HHAT: variants seen among roughly 807,000 people sequenced by gnomAD.
HHAT encodes the protein hedgehog acyltransferase, also known as protein-cysteine N-palmitoyltransferase HHAT.
A neutral mutation model predicts 70.8 loss-of-function variants in HHAT; 47 were observed. The ratio of observed to expected loss-of-function variants is 0.66; its 90% CI spans 0.53 to 0.85. The LOEUF is 0.85. Ranked by LOEUF, HHAT falls within the 40% of genes least tolerant of loss-of-function variation. The probability of loss-of-function intolerance (pLI) is 0.00; values close to 1 mark genes in which losing one functional copy is unlikely to be tolerated. For synonymous variants in HHAT, 228 were observed against 247.6 expected (o/e 0.92, Z 0.74); for missense variants, 609 against 604.8 (o/e 1.01, Z -0.07).
At chr1:210,423,676 T>C (rs2092971668) in intron 7 of HHAT, among the ~76,000 whole-genome samples, 1 of 152,204 alleles carries the variant, frequency 6.6e-6, no homozygotes, top group Non-Finnish European at 1.5e-5. Flanking sequence ...TCTAGTATTT[T>C]TATTGCTTCA....
chr1:210,614,814 T>A (rs1456722563), intron 10 of HHAT, among the ~76,000 whole-genome samples: 3 of 152,254 alleles, frequency 2.0e-5, no homozygotes, highest in African/African-American at 4.8e-5. Context: ...CCTATCATTG[T>A]TGGACATTTG....
chr1:210,632,062 C>T (rs1287187626), intron 11 of HHAT, among the ~76,000 whole-genome samples: 3 of 152,164 alleles, frequency 2.0e-5, no homozygotes, highest in African/African-American at 7.2e-5. Flanking sequence ...ACCTAACTCT[C>T]CCAGCTGCCG....
At chr1:210,467,916 A>G (rs2094136643) in intron 8 of HHAT, among the ~76,000 whole-genome samples, 1 of 152,206 alleles carries the variant, frequency 6.6e-6, no homozygotes, top group African/African-American at 2.4e-5. Flanking sequence ...TATGAGCTCT[A>G]CAGAGAACAG....
At chr1:210,566,389 C>T (rs575910059) in intron 9 of HHAT, among the ~76,000 whole-genome samples, 1 of 152,220 alleles carries the variant, frequency 6.6e-6, no homozygotes, top group East Asian at 1.9e-4. Flanking sequence ...GGTGGTTCCC[C>T]AGCAAAGGCC....
In HHAT at chr1:210,505,283, A is replaced by G. The variant is rs141560448; in HGVS notation, c.1008-7870A>G. On this transcript the variant is annotated intron_variant, in intron 8 of 11. Coordinates refer to ENST00000261458, the MANE Select transcript of HHAT (RefSeq NM_018194.6). ...ATGGTATGATATGGTGCCAGTTACTATGTGATGTCATCAGGAAGCCTATTC... is the reference window on the plus strand; with the variant it reads ...ATGGTATGATATGGTGCCAGTTACTGTGTGATGTCATCAGGAAGCCTATTC... 3.4e-3 allele frequency among the ~76,000 whole-genome samples: 518 copies of G among 152,222 alleles called. 5 individuals are homozygous for G. Among genetic ancestry groups the G allele is most frequent in the South Asian group, 4.8e-3 (23 of 4,812 alleles).
At chr1:210,395,720 C>T (rs1351147871) in intron 4 of HHAT, among the ~76,000 whole-genome samples, 1 of 152,170 alleles carries the variant, frequency 6.6e-6, no homozygotes, top group African/African-American at 2.4e-5. Context: ...CAAGTAGAGA[C>T]TTTGGAAGAC....
At chr1:210,396,984 A>G (rs192186766) in intron 4 of HHAT, among the ~76,000 whole-genome samples, 178 of 152,336 alleles carry the variant, frequency 1.2e-3, no homozygotes, top group African/African-American at 4.2e-3. Flanking sequence ...TAGATACCAA[A>G]CCTATACATG....
At chr1:210,560,186 T>C (rs2095608665) in intron 9 of HHAT, among the ~76,000 whole-genome samples, 1 of 152,228 alleles carries the variant, frequency 6.6e-6, no homozygotes, top group Non-Finnish European at 1.5e-5. Flanking sequence ...GCCTGACCTT[T>C]GAATTGGTAT....
At chr1:210,599,792 T>A (rs1345669600) in intron 10 of HHAT, among the ~76,000 whole-genome samples, 1 of 152,212 alleles carries the variant, frequency 6.6e-6, no homozygotes, top group East Asian at 1.9e-4. Context: ...CCTAACCATG[T>A]TGCTGTCTTT....
chr1:210,654,367 G>A (rs1222702605), intron 11 of HHAT, among the ~76,000 whole-genome samples: 1 of 152,136 alleles, frequency 6.6e-6, no homozygotes, highest in Admixed American at 6.5e-5. Flanking sequence ...CACCATGAAT[G>A]CCTGGGTCCC....
intron 8 of HHAT, among the ~76,000 whole-genome samples, chr1:210,468,300 A>C (rs2094142262): frequency 6.6e-6 from 1 of 152,138 alleles, no homozygotes; most frequent in South Asian, 2.1e-4. Flanking sequence ...CAAATTAGAG[A>C]CCTGATCCTA....
intron 11 of HHAT, among the ~76,000 whole-genome samples, chr1:210,663,895 C>T (rs1393107481): frequency 6.6e-6 from 1 of 152,234 alleles, no homozygotes; most frequent in Non-Finnish European, 1.5e-5. Context: ...AGATGACAAC[C>T]ATCTAGTCCT....
chr1:210,537,995 T>G (rs904242758), intron 9 of HHAT, among the ~76,000 whole-genome samples: 1 of 152,174 alleles, frequency 6.6e-6, no homozygotes, highest in African/African-American at 2.4e-5. Flanking sequence ...TTTGTCTTCT[T>G]GCTAATTAGA....
At chr1:210,656,719 A>G (rs1364251122) in intron 11 of HHAT, among the ~76,000 whole-genome samples, 1 of 152,114 alleles carries the variant, frequency 6.6e-6, no homozygotes. Context: ...CTGAACAGTG[A>G]TATAAGAGCC....
chr1:210,344,159 T>G (rs2147951413), intron 1 of HHAT, among the ~76,000 whole-genome samples: 1 of 152,274 alleles, frequency 6.6e-6, no homozygotes, highest in Middle Eastern at 3.4e-3. Flanking sequence ...TCCTAAATTT[T>G]GGGGGTGAGG....
At chr1:210,506,980 C>T (rs1283271223) in intron 8 of HHAT, among the ~76,000 whole-genome samples, 3 of 152,128 alleles carry the variant, frequency 2.0e-5, no homozygotes, top group Admixed American at 6.6e-5. Context: ...CTCTATTCTC[C>T]CTGAAGCAGA....
chr1:210,346,075 A>C (rs1435998599), intron 1 of HHAT, among the ~76,000 whole-genome samples: 1 of 151,502 alleles, frequency 6.6e-6, no homozygotes, highest in Non-Finnish European at 1.5e-5. Context: ...AGGAAGAAAA[A>C]AAAAAAAAAA....
chr1:210,530,237 A>G (rs1042349039), intron 9 of HHAT, among the ~76,000 whole-genome samples: 3 of 152,110 alleles, frequency 2.0e-5, no homozygotes, highest in Non-Finnish European at 4.4e-5. Context: ...GAAAAACAGT[A>G]ACCGTCCCAA....
At chr1:210,641,318 G>C (rs1054103212) in intron 11 of HHAT, among the ~76,000 whole-genome samples, 2 of 152,130 alleles carry the variant, frequency 1.3e-5, no homozygotes, top group Admixed American at 1.3e-4. Flanking sequence ...TAAAATTGAA[G>C]ACACCTGTTT....
Sources: gnomAD v4.1 joint callset for allele counts (sites outside exome capture counted in the v4.1 genomes callset) on GRCh38, gnomAD v4.1.1 for gene constraint, MANE v1.5 for transcripts, NCBI Gene and HGNC (gene_info 2026-07-23, HGNC 2026-07-21) for gene names.